Variants in SLC9C1 observed in about 807,000 individuals in gnomAD.
The protein encoded by SLC9C1 is sodium/hydrogen exchanger 10.
Under a neutral mutation model 140.9 loss-of-function variants are expected in SLC9C1, and 97 were observed. The observed-to-expected ratio is 0.69, with a 90% CI of 0.58 to 0.82. The LOEUF is 0.82. Ranked by LOEUF, SLC9C1 falls within the 40% of genes least tolerant of loss-of-function variation. The pLI is 0.00. For missense variants in SLC9C1, 1,340 were observed against 1,389.3 expected, an observed-to-expected ratio of 0.96 and a Z score of 0.56; for synonymous variants, 440 against 442.6, an observed-to-expected ratio of 0.99 and a Z score of 0.07.
At chr3:112,254,041 A>T (rs4434124) in intron 10 of SLC9C1, among the ~76,000 whole-genome samples, 89,963 of 152,026 alleles carry the variant, frequency 0.59, 27,141 homozygotes, top group East Asian at 0.79. Context: ...ATAAAAATGA[A>T]AAAAGAATGA....
At chr3:112,230,984 C>T (rs550176724) in intron 13 of SLC9C1, among the ~76,000 whole-genome samples, 1 of 152,216 alleles carries the variant, frequency 6.6e-6, no homozygotes, top group African/African-American at 2.4e-5. Flanking sequence ...AACTGATTGC[C>T]TAACACATCT....
At chr3:112,190,043 T>G (rs956943365) in intron 20 of SLC9C1, among the ~76,000 whole-genome samples, 4 of 152,192 alleles carry the variant, frequency 2.6e-5, no homozygotes, top group Admixed American at 1.3e-4. Context: ...TTGTCTGTTA[T>G]TTGTGTATAT....
chr3:112,171,206 ACT>A (rs1262500597), intron 23 of SLC9C1, among the ~76,000 whole-genome samples: 2 of 151,622 alleles, frequency 1.3e-5, no homozygotes, highest in Non-Finnish European at 2.9e-5. Flanking sequence ...ACAGAGTGAG[ACT>A]CTGTCAGAAA....
chr3:112,185,825 C>G, intron 20 of SLC9C1: 1 of 1,580,636 alleles, frequency 6.3e-7, no homozygotes, highest in Non-Finnish European at 8.5e-7. Flanking sequence ...GGGGAGTGCC[C>G]TCCTCCTCGT....
At chr3:112,180,482 C>T (rs1576285192) in intron 22 of SLC9C1, 82 bp downstream of exon 22, 1 of 1,079,964 alleles carries the variant, frequency 9.3e-7, no homozygotes. Flanking sequence ...AAGATCATGC[C>T]ATTGCACTCC....
At chr3:112,167,584 G>A (rs67704344) in intron 25 of SLC9C1, among the ~76,000 whole-genome samples, 70,558 of 151,714 alleles carry the variant, frequency 0.47, 16,748 homozygotes, top group East Asian at 0.63. Flanking sequence ...TGAAAAAAAT[G>A]ATTAAGAATG....
intron 10 of SLC9C1, among the ~76,000 whole-genome samples, chr3:112,246,723 C>A (rs2079295673): frequency 6.6e-6 from 1 of 152,140 alleles, no homozygotes; most frequent in East Asian, 1.9e-4. Flanking sequence ...GGTTTCCTCA[C>A]CAGTGGTGGC....
At chr3:112,204,465 C>G in intron 16 of SLC9C1, 62 bp from the exon 17 acceptor site, 1 of 1,489,546 alleles carries the variant, frequency 6.7e-7, no homozygotes, top group South Asian at 1.4e-5. Flanking sequence ...CACCATTTTC[C>G]ACAATAATTT....
intron 28 of SLC9C1, chr3:112,147,609 C>T (rs1489627904): frequency 3.1e-6 from 1 of 322,904 alleles, no homozygotes; most frequent in Non-Finnish European, 6.1e-6. Context: ...AATATAGATC[C>T]CCAGTCTCTC....
At chr3:112,189,629 A>G (rs1457747593) in intron 20 of SLC9C1, among the ~76,000 whole-genome samples, 2 of 152,128 alleles carry the variant, frequency 1.3e-5, no homozygotes, top group African/African-American at 4.8e-5. Flanking sequence ...TGTTTTGGTT[A>G]CTGTAGCCTT....
chr3:112,234,497 C>G (rs1419325839), intron 12 of SLC9C1, among the ~76,000 whole-genome samples: 1 of 152,084 alleles, frequency 6.6e-6, no homozygotes, highest in Non-Finnish European at 1.5e-5. Context: ...TCCCATTTGT[C>G]AATTTTGGCT....
rs567619971 is a variant in SLC9C1 at position 112,240,572 on chromosome 3, T to TC, written c.1280-567dup. Among the ~76,000 whole-genome samples the TC allele has an allele frequency of 5.3e-5, 8 of 152,344 alleles. No homozygotes were observed. The South Asian group carries it at 1.7e-3, about 32-fold the overall frequency. ...AGTCTGAACAAGAGAGAATTTGTTG[T>TC]CTCTGCCTTATGGTCTTTGAGCAGG... On this transcript the variant is annotated intron_variant, in intron 11 of 28. Coordinates refer to ENST00000305815, the MANE Select transcript of SLC9C1 (RefSeq NM_183061.3).
chr3:112,269,002 T>C (rs1305567316), intron 7 of SLC9C1, among the ~76,000 whole-genome samples: 1 of 152,224 alleles, frequency 6.6e-6, no homozygotes, highest in Non-Finnish European at 1.5e-5. Context: ...ATTAATAACA[T>C]TGATAGATAC....
chr3:112,223,331 G>C (rs1350877944), intron 13 of SLC9C1, among the ~76,000 whole-genome samples: 1 of 152,104 alleles, frequency 6.6e-6, no homozygotes, highest in African/African-American at 2.4e-5. Context: ...AGAGCACAAA[G>C]AGATTTCAGA....
chr3:112,230,962 G>A (rs1208567853), intron 13 of SLC9C1, among the ~76,000 whole-genome samples: 1 of 152,124 alleles, frequency 6.6e-6, no homozygotes, highest in East Asian at 1.9e-4. Flanking sequence ...CCAGAGATGG[G>A]CAATATCACA....
chr3:112,219,007 T>G (rs972382385), intron 14 of SLC9C1, among the ~76,000 whole-genome samples: 1 of 152,244 alleles, frequency 6.6e-6, no homozygotes, highest in African/African-American at 2.4e-5. Context: ...TTGTTTTATT[T>G]TCCTAACCTG....
intron 11 of SLC9C1, among the ~76,000 whole-genome samples, chr3:112,241,280 T>G (rs2079131289): frequency 6.6e-6 from 1 of 152,092 alleles, no homozygotes; most frequent in Non-Finnish European, 1.5e-5. Flanking sequence ...CCAAAACATC[T>G]CGGGTACCCC....
chr3:112,267,348 G>A (rs150936242), intron 7 of SLC9C1, among the ~76,000 whole-genome samples: 2 of 151,950 alleles, frequency 1.3e-5, no homozygotes, highest in South Asian at 2.1e-4. Flanking sequence ...AGGCCAAGGC[G>A]GGTGGATCAT....
intron 10 of SLC9C1, among the ~76,000 whole-genome samples, chr3:112,255,894 G>A (rs1042413184): frequency 8.5e-5 from 13 of 152,066 alleles, no homozygotes; most frequent in African/African-American, 3.1e-4. Context: ...ATGACAAAGT[G>A]TATGCTACCA....
Sources: allele counts gnomAD v4.1 joint callset (sites outside exome capture counted in the v4.1 genomes callset), GRCh38; gene constraint gnomAD v4.1.1; transcripts MANE v1.5; gene names NCBI Gene and HGNC (gene_info 2026-07-23, HGNC 2026-07-21).